PTPRN2: variants seen among roughly 807,000 people sequenced by gnomAD.
The protein encoded by PTPRN2 is protein tyrosine phosphatase receptor type N2, also known as receptor-type tyrosine-protein phosphatase N2.
A neutral mutation model predicts 118.8 loss-of-function variants in PTPRN2; 74 were observed. The observed-to-expected ratio is 0.62, with a 90% CI of 0.52 to 0.76. PTPRN2 has a LOEUF of 0.76. PTPRN2 is among the 30% of genes least tolerant of loss of function. The pLI is 0.00. For synonymous variants in PTPRN2, 641 were observed against 608.0 expected, an observed-to-expected ratio of 1.05 and a Z score of -0.80; for missense variants, 1,481 against 1,394.4, an observed-to-expected ratio of 1.06 and a Z score of -0.99.
At chr7:157,672,385 T>C (rs981702242) in intron 13 of PTPRN2, among the ~76,000 whole-genome samples, 1 of 152,198 alleles carries the variant, frequency 6.6e-6, no homozygotes, top group Non-Finnish European at 1.5e-5. Context: ...ATCCCTGGGA[T>C]GGGGACAGAA....
intron 2 of PTPRN2, among the ~76,000 whole-genome samples, chr7:158,391,074 C>T (rs1292372994): frequency 6.6e-6 from 1 of 152,212 alleles, no homozygotes; most frequent in Non-Finnish European, 1.5e-5. Flanking sequence ...ATTTTCTTCC[C>T]TCTTGCGACG....
At chr7:157,685,811 G>C (rs1797158437) in intron 12 of PTPRN2, among the ~76,000 whole-genome samples, 1 of 152,202 alleles carries the variant, frequency 6.6e-6, no homozygotes, top group Admixed American at 6.5e-5. Flanking sequence ...TGGGTCCCAG[G>C]AGTCCCCGGA....
intron 5 of PTPRN2, among the ~76,000 whole-genome samples, chr7:158,186,143 T>C (rs1010131080): frequency 6.6e-6 from 1 of 152,222 alleles, no homozygotes; most frequent in Non-Finnish European, 1.5e-5. Flanking sequence ...CTCAAGAGTT[T>C]CTTAAAATTT....
chr7:158,532,452 C>T (rs1452737673), intron 1 of PTPRN2, among the ~76,000 whole-genome samples: 1 of 152,178 alleles, frequency 6.6e-6, no homozygotes, highest in African/African-American at 2.4e-5. Context: ...ATCACGGAGA[C>T]AGCAGAGACA....
intron 4 of PTPRN2, among the ~76,000 whole-genome samples, chr7:158,193,147 C>T (rs1825915550): frequency 6.6e-6 from 1 of 152,210 alleles, no homozygotes; most frequent in East Asian, 1.9e-4. Context: ...AGGACAAACA[C>T]ATGGGACGCT....
chr7:157,925,515 C>T (rs537344052), intron 11 of PTPRN2, among the ~76,000 whole-genome samples: 1 of 152,254 alleles, frequency 6.6e-6, no homozygotes, highest in Non-Finnish European at 1.5e-5. Flanking sequence ...GGGTCCCAAC[C>T]TGGCCTGGCC....
At chr7:158,369,209 A>G (rs1809762301) in intron 2 of PTPRN2, among the ~76,000 whole-genome samples, 1 of 151,024 alleles carries the variant, frequency 6.6e-6, no homozygotes, top group Non-Finnish European at 1.5e-5. Context: ...CTATTGTGGG[A>G]CCTTGTGATC....
Position 158,017,710 on chromosome 7 carries a change from G to C in PTPRN2, c.1723+63588C>G, listed in dbSNP as rs573326745. ...CCCACGTGGGGACCCTTGTCAGAGG[G>C]GTCTGGGGTGCTACAAAGGAGGAGC... On this transcript the variant is annotated intron_variant, in intron 11 of 22. Transcript: ENST00000389418. Among the ~76,000 whole-genome samples the C allele has an allele frequency of 3.9e-5, 6 of 152,154 alleles. No homozygotes were observed. In the East Asian group the frequency reaches 1.2e-3, roughly 30 times the overall value.
At chr7:157,936,295 G>C (rs1042316134) in intron 11 of PTPRN2, among the ~76,000 whole-genome samples, 14 of 152,250 alleles carry the variant, frequency 9.2e-5, no homozygotes, top group African/African-American at 3.1e-4. Flanking sequence ...CTGCTTTCTT[G>C]AGGTGACGAG....
chr7:158,212,029 C>T (rs1827637111), intron 3 of PTPRN2, among the ~76,000 whole-genome samples: 1 of 152,182 alleles, frequency 6.6e-6, no homozygotes, highest in Non-Finnish European at 1.5e-5. Flanking sequence ...GAGTACTATT[C>T]AGCCATAAAA....
Position 158,003,646 on chromosome 7 carries a change from C to T in PTPRN2, c.1723+77652G>A, listed in dbSNP as rs1805442129. Among the ~76,000 whole-genome samples, 1 of 152,028 alleles carries T rather than the reference C, an allele frequency of 6.6e-6. No individual in the cohort carries two copies. Among genetic ancestry groups the T allele is most frequent in the South Asian group, 2.1e-4 (1 of 4,798 alleles). ...GACTGCAGAGGATGGATGTCTGCCCCACCTGTGGGGCTTCACCGTGGCCAC... is the reference window on the plus strand; with the variant it reads ...GACTGCAGAGGATGGATGTCTGCCCTACCTGTGGGGCTTCACCGTGGCCAC... On this transcript the variant is annotated intron_variant, in intron 11 of 22. Coordinates refer to ENST00000389418, the MANE Select transcript of PTPRN2 (RefSeq NM_002847.5). The surrounding 1 kb of genome is among the most constrained non-coding windows in gnomAD (Gnocchi z 5.0).
chr7:157,687,183 T>C (rs1446099231), intron 12 of PTPRN2, among the ~76,000 whole-genome samples: 1 of 152,328 alleles, frequency 6.6e-6, no homozygotes, highest in East Asian at 1.9e-4. Context: ...CCCCATGCCC[T>C]TGTGAGCCAT....
intron 14 of PTPRN2, 91 bp downstream of exon 14, chr7:157,656,266 G>C: frequency 7.5e-7 from 1 of 1,324,772 alleles, no homozygotes; most frequent in Admixed American, 2.2e-5. Flanking sequence ...CAGTCCCCGA[G>C]GGTCAGCGGG....
intron 2 of PTPRN2, among the ~76,000 whole-genome samples, chr7:158,478,103 G>C (rs1323379993): frequency 1.3e-5 from 2 of 152,262 alleles, no homozygotes; most frequent in Admixed American, 1.3e-4. Flanking sequence ...TCACCACGGA[G>C]CGTGGGACAG....
chr7:157,896,069 T>G lies in PTPRN2; in HGVS notation c.1788+2604A>C, dbSNP rs1348323094. On this transcript the variant is annotated intron_variant, in intron 12 of 22. Coordinates refer to ENST00000389418, the MANE Select transcript of PTPRN2 (RefSeq NM_002847.5). ...GCAGGGAGTGCCTGGACATCACAGG[T>G]GCCCAGGGGAGGACGGGAGGAGCTG... is the stretch of plus-strand genomic sequence containing the variant. Among the ~76,000 whole-genome samples the G allele has an allele frequency of 2.0e-5, 3 of 150,758 alleles. No homozygotes were observed. The East Asian group carries it at 5.9e-4, about 30-fold the overall frequency.
chr7:157,927,546 G>GAA (rs1799093813), intron 11 of PTPRN2, among the ~76,000 whole-genome samples: 2 of 82,020 alleles, frequency 2.4e-5, no homozygotes, highest in African/African-American at 8.1e-5. Context: ...GAGGCCTCAC[G>GAA]TCTTCTGGGA....
chr7:157,613,102 C>G (rs1802482735), intron 15 of PTPRN2, among the ~76,000 whole-genome samples: 1 of 152,138 alleles, frequency 6.6e-6, no homozygotes, highest in South Asian at 2.1e-4. Flanking sequence ...CCCCCGCATC[C>G]GGAGGGACAG....
intron 2 of PTPRN2, among the ~76,000 whole-genome samples, chr7:158,318,121 C>G (rs2151098757): frequency 6.6e-6 from 1 of 152,214 alleles, no homozygotes; most frequent in African/African-American, 2.4e-5. Flanking sequence ...AGGCGGAGGG[C>G]TCTCGGGGAC....
At chr7:158,562,376 C>G (rs551931321) in intron 1 of PTPRN2, among the ~76,000 whole-genome samples, 3 of 152,314 alleles carry the variant, frequency 2.0e-5, no homozygotes, top group African/African-American at 7.2e-5. Context: ...TCTCCTAACA[C>G]CAGCATGTCA....
Sources: gnomAD v4.1 joint callset for allele counts (sites outside exome capture counted in the v4.1 genomes callset) on GRCh38, gnomAD v4.1.1 for gene constraint, Gnocchi (gnomAD v3.1) non-coding constraint, MANE v1.5 for transcripts, NCBI Gene and HGNC (gene_info 2026-07-23, HGNC 2026-07-21) for gene names.